Variants in FABP7 observed in about 807,000 individuals in gnomAD.
FABP7 encodes fatty acid binding protein 7, also known as fatty acid-binding protein, brain.
In FABP7, 13 loss-of-function variants were observed where a neutral mutation model predicts 14.2. The observed-to-expected ratio is 0.91, with a 90% CI of 0.59 to 1.45. FABP7 has a LOEUF of 1.45. Ranked by LOEUF, FABP7 falls within the 40% of genes most tolerant of loss-of-function variation. The pLI, the probability that FABP7 is intolerant of heterozygous loss-of-function variation, is 0.00. For missense variants in FABP7, 149 were observed against 157.6 expected (o/e 0.95, Z 0.29); for synonymous variants, 49 against 51.4 (o/e 0.95, Z 0.20).
At chr6:122,778,403 C>A (rs115764984), upstream of FABP7, among the ~76,000 whole-genome samples, 1 of 152,098 alleles carries the variant, frequency 6.6e-6, no homozygotes, top group Admixed American at 6.5e-5. Context: ...CTTGAGACAC[C>A]GAAGAAGAAT....
At chr6:122,773,215 C>T in the FABP7 span, among the ~76,000 whole-genome samples, 1 of 152,116 alleles carries the variant, frequency 6.6e-6, no homozygotes, top group Non-Finnish European at 1.5e-5. Flanking sequence ...TTATGCAACC[C>T]TTGCTGACAT....
At chr6:122,750,305 A>G in the FABP7 span, among the ~76,000 whole-genome samples, 5 of 152,290 alleles carry the variant, frequency 3.3e-5, no homozygotes, top group South Asian at 6.2e-4. Context: ...TTGTCTTTTC[A>G]TCTTTTAGAA....
At chr6:122,756,145 A>G in the FABP7 span, among the ~76,000 whole-genome samples, 2 of 152,128 alleles carry the variant, frequency 1.3e-5, no homozygotes, top group Middle Eastern at 3.2e-3. Flanking sequence ...GACATGAGTA[A>G]ACAAGCTATT....
At chr6:122,755,036 C>T in the FABP7 span, among the ~76,000 whole-genome samples, 28 of 151,918 alleles carry the variant, frequency 1.8e-4, no homozygotes, top group Non-Finnish European at 4.1e-4. Flanking sequence ...TCACTACTTC[C>T]AATAGTGCTA....
upstream of FABP7, chr6:122,779,589 C>T (rs1780728397): frequency 6.7e-6 from 4 of 594,736 alleles, no homozygotes; most frequent in Middle Eastern, 4.5e-4. Context: ...AGCGCTCCTT[C>T]CCTTCTCCTC....
At chr6:122,780,206 G>A in intron 1 of FABP7, 85 bp from the exon 2 acceptor site, 2 of 1,396,056 alleles carry the variant, frequency 1.4e-6, no homozygotes, top group East Asian at 2.3e-5. Context: ...TTAGAACGTG[G>A]ATTCCAGAAT....
Position 122,783,884 on chromosome 6 carries a change from G to C in FABP7, c.*117G>C. ...ATTAGAAGGTTATCCTTGGTGTGGAGGTGGAAAATGGTGATTTAAAAACTT... is the reference window on the plus strand; with the variant it reads ...ATTAGAAGGTTATCCTTGGTGTGGACGTGGAAAATGGTGATTTAAAAACTT... On this transcript the variant is annotated 3_prime_UTR_variant, in exon 4 of 4. Transcript: ENST00000368444. The C allele has an allele frequency of 1.3e-6, 1 of 766,700 alleles. No individual in the cohort carries two copies. The allele number at this position is 766,700 out of a possible 1,614,324, so 47.5% of individuals were successfully genotyped here.
the FABP7 span, among the ~76,000 whole-genome samples, chr6:122,754,435 GTGC>G: frequency 6.6e-6 from 1 of 152,140 alleles, no homozygotes; most frequent in African/African-American, 2.4e-5. Context: ...GTCCTCCACT[GTGC>G]TGCAGCTCTC....
chr6:122,780,054 G>A (rs1205049878), intron 1 of FABP7, among the ~76,000 whole-genome samples, 187 bp downstream of exon 1: 1 of 152,134 alleles, frequency 6.6e-6, no homozygotes, highest in East Asian at 1.9e-4. Context: ...CTTACCCAGG[G>A]CCAATAAAAA....
the FABP7 span, among the ~76,000 whole-genome samples, chr6:122,751,130 A>G: frequency 5.9e-3 from 904 of 152,360 alleles, 8 homozygotes; most frequent in African/African-American, 0.015. Context: ...AGAAGGTATC[A>G]TAAAATTGTT....
the FABP7 span, among the ~76,000 whole-genome samples, chr6:122,763,194 T>C: frequency 6.6e-6 from 1 of 152,170 alleles, no homozygotes; most frequent in African/African-American, 2.4e-5. Context: ...AACAGATATA[T>C]AGATCAATGG....
the FABP7 span, among the ~76,000 whole-genome samples, chr6:122,759,875 A>G: frequency 5.3e-5 from 8 of 152,038 alleles, no homozygotes. Flanking sequence ...TAATCCCAGC[A>G]CTTTGGGAGG....
At position 122,781,128 on chromosome 6, in the gene FABP7, C is replaced by T. The variant is rs1780771513; in HGVS notation, c.282C>T (p.His94=). Residue 94 remains histidine, a synonymous_variant, in exon 3 of 4, where the codon CAC becomes CAT. Transcript: ENST00000368444. The part of the protein sequence containing the change: ...VVSLDGDKLV[H]IQKWDGKETN... ...GCCTGGATGGAGACAAACTTGTTCACATACAGAAATGGGATGGCAAAGAAA... is the reference window on the plus strand; with the variant it reads ...GCCTGGATGGAGACAAACTTGTTCATATACAGAAATGGGATGGCAAAGAAA... The T allele has an allele frequency of 2.5e-6, 4 of 1,613,722 alleles. No individual in the cohort carries two copies. Among genetic ancestry groups the T allele is most frequent in the Non-Finnish European group, 2.5e-6 (3 of 1,179,826 alleles).
chr6:122,757,140 T>C, the FABP7 span, among the ~76,000 whole-genome samples: 1 of 152,194 alleles, frequency 6.6e-6, no homozygotes, highest in Non-Finnish European at 1.5e-5. Flanking sequence ...CAGACTGCTA[T>C]ATTCAAAAGT....
chr6:122,776,024 T>G (rs1780667450), upstream of FABP7, among the ~76,000 whole-genome samples: 1 of 152,056 alleles, frequency 6.6e-6, no homozygotes, highest in South Asian at 2.1e-4. Context: ...AAATGGCTAT[T>G]ATCAAAAAGA....
chr6:122,783,195 T>C, intron 3 of FABP7: 1 of 985,420 alleles, frequency 1.0e-6, no homozygotes, highest in South Asian at 4.7e-5. Flanking sequence ...CCTACCTACC[T>C]GCGTTCACAT....
chr6:122,758,191 T>C, the FABP7 span, among the ~76,000 whole-genome samples: 2 of 145,860 alleles, frequency 1.4e-5, no homozygotes, highest in African/African-American at 5.0e-5. Context: ...CTATGCAAAC[T>C]CTGCCTCCTG....
intron 3 of FABP7, 175 bp downstream of exon 3, chr6:122,781,369 C>A (rs78658325): frequency 1.4e-6 from 2 of 1,451,306 alleles, no homozygotes; most frequent in Non-Finnish European, 1.8e-6. Context: ...CAAAAAGATC[C>A]CAGTTAATTT....
the FABP7 span, among the ~76,000 whole-genome samples, chr6:122,752,465 A>T: frequency 6.6e-6 from 1 of 152,198 alleles, no homozygotes; most frequent in African/African-American, 2.4e-5. Context: ...AACATTTTAT[A>T]TATAGGGGAT....
Sources: allele counts gnomAD v4.1 joint callset (sites outside exome capture counted in the v4.1 genomes callset), GRCh38; gene constraint gnomAD v4.1.1; transcripts MANE v1.5; gene names NCBI Gene and HGNC (gene_info 2026-07-23, HGNC 2026-07-21).